The following CACNA2D3 variants were observed in gnomAD, a reference collection of about 807,000 sequenced individuals.
CACNA2D3 encodes the protein calcium voltage-gated channel auxiliary subunit alpha2delta 3.
CACNA2D3 carries 60 observed loss-of-function variants against 160.6 expected under a neutral mutation model. The observed-to-expected ratio is 0.37, with a 90% CI of 0.30 to 0.46. The LOEUF is 0.46. Ranked by LOEUF, CACNA2D3 falls within the 20% of genes least tolerant of loss-of-function variation. The pLI, the probability that CACNA2D3 is intolerant of heterozygous loss-of-function variation, is 1.00. For missense variants in CACNA2D3, 1,205 were observed against 1,365.0 expected, an observed-to-expected ratio of 0.88 and a Z score of 1.85; for synonymous variants, 558 against 492.9, an observed-to-expected ratio of 1.13 and a Z score of -1.75.
chr3:54,283,253 G>T (rs1174661147), intron 2 of CACNA2D3, among the ~76,000 whole-genome samples: 1 of 152,208 alleles, frequency 6.6e-6, no homozygotes, highest in African/African-American at 2.4e-5. Context: ...TCTGATCCTG[G>T]CAGGGACAGC....
At chr3:54,466,645 CAT>C (rs1344779633) in intron 4 of CACNA2D3, among the ~76,000 whole-genome samples, 3 of 152,060 alleles carry the variant, frequency 2.0e-5, no homozygotes, top group Non-Finnish European at 4.4e-5. Context: ...TGGACTTAAA[CAT>C]GTGGAAAAGT....
At chr3:54,857,033 G>A (rs1193608107) in intron 17 of CACNA2D3, among the ~76,000 whole-genome samples, 6 of 152,132 alleles carry the variant, frequency 3.9e-5, no homozygotes, top group African/African-American at 1.4e-4. Flanking sequence ...CACCTGTCTT[G>A]GCCTCCCAAA....
At chr3:54,695,103 T>C (rs939095085) in intron 11 of CACNA2D3, among the ~76,000 whole-genome samples, 1 of 152,148 alleles carries the variant, frequency 6.6e-6, no homozygotes, top group Admixed American at 6.6e-5. Flanking sequence ...CTGCAACCTC[T>C]GCCTCCTGGA....
At chr3:54,246,368 A>G (rs1396421444) in intron 2 of CACNA2D3, among the ~76,000 whole-genome samples, 1 of 152,208 alleles carries the variant, frequency 6.6e-6, no homozygotes, top group Non-Finnish European at 1.5e-5. Flanking sequence ...AGATGCTCGA[A>G]CAATTTTTCC....
chr3:54,694,726 G>C (rs1700631739), intron 11 of CACNA2D3, among the ~76,000 whole-genome samples: 1 of 152,176 alleles, frequency 6.6e-6, no homozygotes, highest in Admixed American at 6.5e-5. Context: ...TTCCTTCCCT[G>C]TAAGAGGGTC....
chr3:54,413,838 G>A (rs1402693974), intron 4 of CACNA2D3, among the ~76,000 whole-genome samples: 1 of 148,386 alleles, frequency 6.7e-6, no homozygotes, highest in Non-Finnish European at 1.5e-5. Context: ...GACAATAACA[G>A]TTTTAAATTC....
chr3:54,296,072 C>T (rs1024269108), intron 2 of CACNA2D3, among the ~76,000 whole-genome samples: 5 of 152,146 alleles, frequency 3.3e-5, no homozygotes, highest in South Asian at 2.1e-4. Context: ...TTTGCCCAGC[C>T]TTGGAAGGGG....
intron 2 of CACNA2D3, among the ~76,000 whole-genome samples, chr3:54,178,599 G>T (rs1700719396): frequency 6.6e-6 from 1 of 152,182 alleles, no homozygotes; most frequent in Admixed American, 6.5e-5. Flanking sequence ...TGTCTTGGTT[G>T]TTTGCCTGGA....
At chr3:54,143,592 C>T (rs950620802) in intron 2 of CACNA2D3, among the ~76,000 whole-genome samples, 7 of 152,150 alleles carry the variant, frequency 4.6e-5, no homozygotes, top group East Asian at 1.9e-4. Flanking sequence ...CTCTGACTCC[C>T]GGGTTCACAC....
chr3:54,789,940 G>A (rs1575476542), intron 13 of CACNA2D3: 7 of 478,418 alleles, frequency 1.5e-5, no homozygotes, highest in South Asian at 1.0e-4. Context: ...CACCCTCTGT[G>A]TTCTCCCAAA....
Position 54,885,526 on chromosome 3 carries a change from CA to C in CACNA2D3, c.1997del (p.His666LeufsTer5). On this transcript the variant is annotated frameshift_variant, in exon 23 of 38. Transcript: ENST00000474759. LOFTEE classifies it high-confidence loss of function. ...CNTDLHPEHR[H>X]LSQLEAIKLY... ...CACTGACCTACACCCTGAGCACCGC[CA>C]TCTGTCTCAGTTAGAAGCGATTAAG... 6.2e-7 allele frequency: 1 copy of C among 1,613,802 alleles called. No individual in the cohort carries two copies. Among genetic ancestry groups the C allele is most frequent in the Non-Finnish European group, 8.5e-7 (1 of 1,179,802 alleles).
intron 5 of CACNA2D3, among the ~76,000 whole-genome samples, chr3:54,556,874 G>A (rs1702249429): frequency 6.6e-6 from 1 of 152,242 alleles, no homozygotes; most frequent in African/African-American, 2.4e-5. Flanking sequence ...GACAGTGGAA[G>A]GGCCAGGGGA....
At chr3:55,054,381 AC>A (rs1704311872) in intron 35 of CACNA2D3, among the ~76,000 whole-genome samples, 1 of 151,768 alleles carries the variant, frequency 6.6e-6, no homozygotes, top group Non-Finnish European at 1.5e-5. Flanking sequence ...TATTGACCTG[AC>A]TTCAGGTATA....
chr3:54,807,598 C>G (rs1703167058), intron 13 of CACNA2D3, among the ~76,000 whole-genome samples: 1 of 151,776 alleles, frequency 6.6e-6, no homozygotes, highest in East Asian at 1.9e-4. Flanking sequence ...CACTTTGACA[C>G]TGTTGGTGGG....
chr3:54,452,946 C>T (rs539900580), intron 4 of CACNA2D3, among the ~76,000 whole-genome samples: 60 of 152,010 alleles, frequency 3.9e-4, no homozygotes, highest in Admixed American at 3.5e-3. Context: ...GTTTCTATGT[C>T]TTCTTTTTTT....
rs531215192 is a variant in CACNA2D3 at position 55,073,746 on chromosome 3, T to C, written c.3101-31T>C. The stretch of plus-strand genomic sequence containing the variant: ...TGAAATGCAGAGTAGAAAAAAGCAA[T>C]CCTTGGAAACATGCCTTAACTACAG... On this transcript the variant is annotated intron_variant, in intron 36 of 37. Coordinates refer to ENST00000474759, the MANE Select transcript of CACNA2D3 (RefSeq NM_018398.3). 3 of 1,579,712 alleles carry C rather than the reference T, an allele frequency of 1.9e-6. No individual in the cohort carries two copies. In the South Asian group the frequency reaches 3.4e-5, roughly 18 times the overall value.
intron 5 of CACNA2D3, among the ~76,000 whole-genome samples, chr3:54,554,952 G>A (rs767339065): frequency 1.3e-4 from 18 of 138,950 alleles, no homozygotes; most frequent in East Asian, 2.2e-4. Context: ...TTGGCTCATC[G>A]CAGCCTTGAC....
At chr3:54,130,533 T>TA (rs1468815554) in intron 2 of CACNA2D3, among the ~76,000 whole-genome samples, 2 of 152,298 alleles carry the variant, frequency 1.3e-5, no homozygotes, top group African/African-American at 4.8e-5. Context: ...GGTACTGTGA[T>TA]AAGCCCTTTA....
intron 9 of CACNA2D3, among the ~76,000 whole-genome samples, chr3:54,595,621 C>T (rs1329515108): frequency 6.6e-6 from 1 of 152,122 alleles, no homozygotes; most frequent in African/African-American, 2.4e-5. Flanking sequence ...CCATGCGTCA[C>T]CTGAGCATCC....
Sources: allele counts gnomAD v4.1 joint callset (sites outside exome capture counted in the v4.1 genomes callset), GRCh38; gene constraint gnomAD v4.1.1; transcripts MANE v1.5; gene names NCBI Gene and HGNC (gene_info 2026-07-23, HGNC 2026-07-21).